ALOX5AP: variants seen among roughly 807,000 people sequenced by gnomAD.
ALOX5AP encodes the protein arachidonate 5-lipoxygenase activating protein, also known as arachidonate 5-lipoxygenase-activating protein.
A neutral mutation model predicts 18.5 loss-of-function variants in ALOX5AP; 9 were observed. The observed-to-expected ratio is 0.49, with a 90% confidence interval of 0.29 to 0.85. The LOEUF (loss-of-function observed/expected upper bound fraction) is 0.85. ALOX5AP is among the 40% of genes least tolerant of loss of function. ALOX5AP has a pLI of 0.08. For synonymous variants in ALOX5AP, 81 were observed against 78.6 expected, an observed-to-expected ratio of 1.03 and a Z score of -0.16; for missense variants, 172 against 202.5, an observed-to-expected ratio of 0.85 and a Z score of 0.91.
intron 1 of ALOX5AP, among the ~76,000 whole-genome samples, chr13:30,741,839 T>G (rs1951769042): frequency 1.3e-5 from 2 of 151,178 alleles, no homozygotes; most frequent in African/African-American, 2.4e-5. Flanking sequence ...CTGTTTTTTT[T>G]TTTTTTTTTT....
intron 3 of ALOX5AP, among the ~76,000 whole-genome samples, chr13:30,752,688 C>T (rs993075344): frequency 1.3e-5 from 2 of 152,224 alleles, no homozygotes; most frequent in Non-Finnish European, 2.9e-5. Context: ...TTCGGGGCCA[C>T]GCCTGGCACT....
chr13:30,719,884 A>G (rs891545182), intron 1 of ALOX5AP, among the ~76,000 whole-genome samples: 12 of 149,848 alleles, frequency 8.0e-5, no homozygotes, highest in African/African-American at 3.0e-4. Context: ...TTTCTTTGAG[A>G]TGGAGTCTTG....
intron 1 of ALOX5AP, among the ~76,000 whole-genome samples, chr13:30,714,591 G>GTGGGAGT: frequency 7.4e-6 from 1 of 135,450 alleles, no homozygotes; most frequent in East Asian, 2.7e-4. Context: ...GAGGTGGGAG[G>GTGGGAGT]TGGGGGGTGG....
At chr13:30,717,011 G>T (rs577413264) in intron 1 of ALOX5AP, among the ~76,000 whole-genome samples, 3 of 152,174 alleles carry the variant, frequency 2.0e-5, no homozygotes, top group Non-Finnish European at 4.4e-5. Context: ...GGTGTCCAGG[G>T]TCTTTACTGT....
In ALOX5AP at chr13:30,735,578, A is replaced by G; in HGVS notation, c.-28A>G. The G allele has an allele frequency of 6.2e-7, 1 of 1,613,932 alleles. No individual in the cohort carries two copies. The highest frequency in any genetic ancestry group is 8.5e-7 in the Non-Finnish European group (1 of 1,179,944). ...CAGGTTGTGCAGCTGGAGGCAGAGC[A>G]GTCCTCTCTGGGGAGCCTGAAGCAA... On this transcript the variant is annotated 5_prime_UTR_variant, in exon 1 of 5. Transcript: ENST00000380490.
At chr13:30,731,281 G>C (rs1187962161), upstream of ALOX5AP, among the ~76,000 whole-genome samples, 4 of 152,130 alleles carry the variant, frequency 2.6e-5, no homozygotes, top group East Asian at 5.8e-4. Context: ...GTAGCAGCAC[G>C]TAGGGTGATT....
upstream of ALOX5AP, among the ~76,000 whole-genome samples, chr13:30,732,486 T>C (rs1175709800): frequency 1.3e-5 from 2 of 152,196 alleles, no homozygotes; most frequent in Non-Finnish European, 2.9e-5. Flanking sequence ...GTGAATACAC[T>C]TCTCACTCCC....
intron 4 of ALOX5AP, among the ~76,000 whole-genome samples, chr13:30,761,140 C>T (rs529760625): frequency 9.2e-5 from 14 of 152,262 alleles, no homozygotes; most frequent in South Asian, 4.1e-4. Context: ...ATGATGTGCC[C>T]GGCCTGGGGT....
chr13:30,731,375 ATT>A (rs1181273858), upstream of ALOX5AP, among the ~76,000 whole-genome samples: 1,516 of 140,472 alleles, frequency 0.011, 26 homozygotes, highest in African/African-American at 0.037. Context: ...CCTTGACCAC[ATT>A]TTTTTTTTTT....
intron 1 of ALOX5AP, among the ~76,000 whole-genome samples, chr13:30,728,151 G>A (rs963198287): frequency 3.9e-5 from 6 of 152,148 alleles, no homozygotes; most frequent in African/African-American, 1.4e-4. Flanking sequence ...AAACGCCAAG[G>A]GAGAACACCA....
chr13:30,763,842 A>G lies in ALOX5AP; in HGVS notation c.324-102A>G, dbSNP rs1342003132. The G allele has an allele frequency of 3.6e-6, 4 of 1,109,032 alleles. No individual in the cohort carries two copies. In the African/African-American group the frequency reaches 4.7e-5, roughly 13 times the overall value. 68.7% of individuals were successfully genotyped at this position (1,109,032 alleles called of 1,614,324 possible). On this transcript the variant is annotated intron_variant, in intron 4 of 4. Transcript: ENST00000380490. ...GGAGCATTGTTGAGTCCAGGGAGCT[A>G]TAATTTAAACCCCATATATCTAAAA...
At chr13:30,735,488 C>T (rs1049216826), upstream of ALOX5AP, 33 of 1,494,034 alleles carry the variant, frequency 2.2e-5, no homozygotes, top group Middle Eastern at 2.1e-4. Context: ...GTAATTGTGC[C>T]GGGGATCTTC....
At chr13:30,715,236 A>G (rs757411461) in intron 1 of ALOX5AP, among the ~76,000 whole-genome samples, 3 of 152,182 alleles carry the variant, frequency 2.0e-5, no homozygotes, top group African/African-American at 7.2e-5. Context: ...TTCCTCTGTA[A>G]AAAGGGCAAT....
intron 1 of ALOX5AP, among the ~76,000 whole-genome samples, chr13:30,722,833 A>T (rs1215217855): frequency 6.6e-6 from 1 of 151,896 alleles, no homozygotes; most frequent in Non-Finnish European, 1.5e-5. Flanking sequence ...GGATCCTTCC[A>T]CCCCTCTCTC....
At chr13:30,744,557 A>C (rs192721679) in intron 2 of ALOX5AP, among the ~76,000 whole-genome samples, 248 of 152,130 alleles carry the variant, frequency 1.6e-3, no homozygotes, top group Middle Eastern at 6.8e-3. Context: ...ACAGCCTTCA[A>C]CTCACCCACC....
At chr13:30,729,379 G>A (rs903727003) in intron 1 of ALOX5AP, among the ~76,000 whole-genome samples, 1 of 152,074 alleles carries the variant, frequency 6.6e-6, no homozygotes, top group Non-Finnish European at 1.5e-5. Context: ...TAGCACCCTT[G>A]TTAAAAAGAC....
At chr13:30,713,797 C>T (rs1296748990) in exon 1 of ALOX5AP, 2 of 1,535,714 alleles carry the variant, frequency 1.3e-6, no homozygotes, top group South Asian at 1.2e-5. Context: ...TTGGGAAATC[C>T]TTTGGCACCT....
intron 1 of ALOX5AP, among the ~76,000 whole-genome samples, chr13:30,719,016 C>T (rs557968673): frequency 1.3e-5 from 2 of 152,332 alleles, no homozygotes; most frequent in African/African-American, 2.4e-5. Context: ...CTGTTGCCAT[C>T]GTGCCTGTCA....
At chr13:30,747,722 C>A (rs1018548194) in intron 2 of ALOX5AP, among the ~76,000 whole-genome samples, 1 of 152,106 alleles carries the variant, frequency 6.6e-6, no homozygotes, top group Non-Finnish European at 1.5e-5. Flanking sequence ...TCTTTATAGA[C>A]AGACTTTTGA....
Sources: allele counts gnomAD v4.1 joint callset (sites outside exome capture counted in the v4.1 genomes callset), GRCh38; gene constraint gnomAD v4.1.1; transcripts MANE v1.5; gene names NCBI Gene and HGNC (gene_info 2026-07-23, HGNC 2026-07-21).